The following GBF1 variants were observed in gnomAD, a reference collection of about 807,000 sequenced individuals.
The protein encoded by GBF1 is golgi brefeldin A resistant guanine nucleotide exchange factor 1.
A neutral mutation model predicts 210.5 loss-of-function variants in GBF1; 114 were observed. The observed-to-expected ratio is 0.54, with a 90% CI of 0.47 to 0.63. The LOEUF (loss-of-function observed/expected upper bound fraction) is 0.63, where lower values mean the gene tolerates loss of function less well. Ranked by LOEUF, GBF1 falls within the 30% of genes least tolerant of loss-of-function variation. The probability of loss-of-function intolerance (pLI) is 0.00; values close to 1 mark genes in which losing one functional copy is unlikely to be tolerated. For synonymous variants in GBF1, 850 were observed against 889.2 expected, an observed-to-expected ratio of 0.96 and a Z score of 0.78; for missense variants, 1,851 against 2,357.7, an observed-to-expected ratio of 0.79 and a Z score of 4.45.
chr10:102,234,710 T>C, the GBF1 span, among the ~76,000 whole-genome samples: 12 of 152,076 alleles, frequency 7.9e-5, no homozygotes, highest in African/African-American at 2.9e-4. Flanking sequence ...CCAGAGGCCA[T>C]GGAAGCAACA....
intron 3 of GBF1, among the ~76,000 whole-genome samples, chr10:102,277,456 C>T (rs1260118974): frequency 1.4e-5 from 2 of 147,074 alleles, no homozygotes; most frequent in Non-Finnish European, 3.0e-5. Flanking sequence ...ATAGCGTGAT[C>T]TCGGCTCGCC....
chr10:102,253,624 C>T (rs2071914756), intron 1 of GBF1, among the ~76,000 whole-genome samples: 1 of 152,080 alleles, frequency 6.6e-6, no homozygotes, highest in Admixed American at 6.6e-5. Context: ...AGTGATCCTC[C>T]CACTTCAGCC....
intron 1 of GBF1, among the ~76,000 whole-genome samples, chr10:102,258,280 G>A (rs1005384717): frequency 6.7e-5 from 10 of 149,310 alleles, no homozygotes; most frequent in African/African-American, 9.8e-5. Context: ...TCAGCCTCCC[G>A]GGTGGCTGAG....
At chr10:102,314,741 T>G (rs976877533) in intron 3 of GBF1, among the ~76,000 whole-genome samples, 61 of 152,210 alleles carry the variant, frequency 4.0e-4, no homozygotes, top group Non-Finnish European at 6.0e-4. Flanking sequence ...ATTTCTTTGG[T>G]AAATAATTGA....
At chr10:102,231,517 G>A in the GBF1 span, 2,771 of 1,040,376 alleles carry the variant, frequency 2.7e-3, 6 homozygotes, top group Non-Finnish European at 3.4e-3. Flanking sequence ...GGGTGGAACC[G>A]CTGGCCTCCG....
chr10:102,380,420 C>A, intron 37 of GBF1, 58 bp downstream of exon 37: 1 of 1,572,570 alleles, frequency 6.4e-7, no homozygotes, highest in Non-Finnish European at 8.8e-7. Flanking sequence ...GAAGGACTTG[C>A]CCTTTCCCCC....
intron 3 of GBF1, among the ~76,000 whole-genome samples, chr10:102,278,292 A>G (rs903303710): frequency 3.3e-5 from 5 of 150,110 alleles, no homozygotes; most frequent in Non-Finnish European, 7.4e-5. Flanking sequence ...TTTTTTTTAG[A>G]GTTATGGAGT....
intron 3 of GBF1, among the ~76,000 whole-genome samples, chr10:102,313,692 C>T (rs576310796): frequency 6.6e-5 from 10 of 152,294 alleles, no homozygotes; most frequent in Non-Finnish European, 1.0e-4. Context: ...CTTAATGCTG[C>T]AGTTCATGAT....
chr10:102,381,363 GGAA>G, intron 39 of GBF1, 108 bp downstream of exon 39: 1 of 1,129,644 alleles, frequency 8.9e-7, no homozygotes, highest in Non-Finnish European at 1.3e-6. Flanking sequence ...GTGAGCCGAG[GGAA>G]GAAGGCCACT....
chr10:102,375,399 G>T lies in GBF1; in HGVS notation c.3701G>T (p.Ser1234Ile), dbSNP rs1044810761. ...SLRILLLMKP[S>I]VLSRVSHQVA... is the part of the protein sequence containing the mutation. The stretch of plus-strand genomic sequence containing the variant: ...CGCATTTTGCTACTGATGAAGCCCA[G>T]TGTGCTATCCCGAGTCAGCCACCAG... Residue 1234 changes from serine to isoleucine, a missense_variant, in exon 30 of 40, where the codon AGT becomes ATT. Physicochemically the swap from Ser to Ile is moderately radical, Grantham distance 142. Coordinates refer to ENST00000369983, the MANE Select transcript of GBF1 (RefSeq NM_001377137.1). The T allele has an allele frequency of 6.2e-7, 1 of 1,613,748 alleles. No individual in the cohort carries two copies. Among genetic ancestry groups the T allele is most frequent in the Admixed American group, 1.7e-5 (1 of 59,986 alleles).
intron 3 of GBF1, among the ~76,000 whole-genome samples, chr10:102,302,276 G>A (rs1402996434): frequency 6.6e-6 from 1 of 152,128 alleles, no homozygotes; most frequent in African/African-American, 2.4e-5. Context: ...GGAAAGGGGA[G>A]AGGGGAGAGG....
At chr10:102,294,859 AC>A (rs1228584218) in intron 3 of GBF1, among the ~76,000 whole-genome samples, 1 of 152,176 alleles carries the variant, frequency 6.6e-6, no homozygotes, top group Non-Finnish European at 1.5e-5. Flanking sequence ...AGGCTATACC[AC>A]GTAGGTTTGT....
At position 102,359,328 on chromosome 10, in the gene GBF1, T is replaced by C; in HGVS notation, c.1073T>C (p.Leu358Ser). Residue 358 changes from leucine (L) to serine (S), a missense_variant, in exon 11 of 40, where the codon TTA (leucine) becomes TCA (serine). Coordinates refer to ENST00000369983, the MANE Select transcript of GBF1 (RefSeq NM_001377137.1). ...SASVESIPEVLEECTSPADHS... is the reference protein window; with the variant it reads ...SASVESIPEVSEECTSPADHS... Reference sequence around the variant, plus strand: ...TCTGTGGAGTCCATCCCTGAAGTGTTAGAGGAGTGCACGTCCCCTGCCGAC... The same window carrying C: ...TCTGTGGAGTCCATCCCTGAAGTGTCAGAGGAGTGCACGTCCCCTGCCGAC... 1 of 1,611,090 alleles carries C rather than the reference T, an allele frequency of 6.2e-7. No individual in the cohort carries two copies. Among genetic ancestry groups the C allele is most frequent in the South Asian group, 1.1e-5 (1 of 91,034 alleles).
chr10:102,381,670 T>C (rs1323334627), intron 39 of GBF1, among the ~76,000 whole-genome samples: 1 of 151,054 alleles, frequency 6.6e-6, no homozygotes, highest in Non-Finnish European at 1.5e-5. Context: ...CAAAAAAATA[T>C]AAAAATTAGC....
intron 15 of GBF1, 62 bp downstream of exon 15, chr10:102,362,726 TGA>T (rs1376045706): frequency 1.0e-5 from 14 of 1,355,374 alleles, no homozygotes; most frequent in Non-Finnish European, 4.2e-6. Context: ...CTCTACTCTC[TGA>T]GTCGTTTTTC....
intron 23 of GBF1, 28 bp from the exon 24 acceptor site, chr10:102,369,183 T>G (rs1444109175): frequency 6.4e-7 from 1 of 1,564,862 alleles, no homozygotes; most frequent in Admixed American, 1.7e-5. Flanking sequence ...TAGCTCGGCC[T>G]TAAGTCTGTT....
At chr10:102,253,245 G>GGCTGCCACCCA (rs1211366150) in intron 1 of GBF1, among the ~76,000 whole-genome samples, 2 of 152,134 alleles carry the variant, frequency 1.3e-5, no homozygotes, top group African/African-American at 4.8e-5. Context: ...GGGCACCAAT[G>GGCTGCCACCCA]GCTGCCACCC....
At chr10:102,248,548 T>G (rs2071114987) in intron 1 of GBF1, among the ~76,000 whole-genome samples, 1 of 152,078 alleles carries the variant, frequency 6.6e-6, no homozygotes, top group African/African-American at 2.4e-5. Context: ...TGTAAATGAG[T>G]TAATTGAGTC....
At chr10:102,292,705 T>A (rs1450295218) in intron 3 of GBF1, among the ~76,000 whole-genome samples, 2 of 152,154 alleles carry the variant, frequency 1.3e-5, no homozygotes, top group East Asian at 3.8e-4. Flanking sequence ...CTAAGATTTT[T>A]TGGAGTTTGA....
Sources: allele counts gnomAD v4.1 joint callset (sites outside exome capture counted in the v4.1 genomes callset), GRCh38; gene constraint gnomAD v4.1.1; transcripts MANE v1.5; gene names NCBI Gene and HGNC (gene_info 2026-07-23, HGNC 2026-07-21).